KCTD8: variants seen among roughly 807,000 people sequenced by gnomAD.
The protein encoded by KCTD8 is BTB/POZ domain-containing protein KCTD8.
In KCTD8, 27 loss-of-function variants were observed where a neutral mutation model predicts 31.5. The ratio of observed to expected loss-of-function variants is 0.86; its 90% confidence interval spans 0.63 to 1.18. KCTD8 has a LOEUF of 1.18. Ranked by LOEUF, KCTD8 falls within the 50% of genes most tolerant of loss-of-function variation. KCTD8 has a pLI of 0.00. For missense variants in KCTD8, 658 were observed against 647.7 expected (o/e 1.02, Z -0.17); for synonymous variants, 290 against 280.0 (o/e 1.04, Z -0.36).
intron 1 of KCTD8, among the ~76,000 whole-genome samples, chr4:44,333,170 G>A (rs868170491): frequency 1.2e-4 from 18 of 151,284 alleles, no homozygotes; most frequent in Non-Finnish European, 2.4e-4. Flanking sequence ...GAATATACAG[G>A]CACAATTTTA....
intron 1 of KCTD8, among the ~76,000 whole-genome samples, chr4:44,343,618 T>C (rs1225016118): frequency 6.6e-6 from 1 of 152,114 alleles, no homozygotes; most frequent in Non-Finnish European, 1.5e-5. Context: ...TAAAGTACAA[T>C]AAAGTGAAGT....
chr4:44,406,921 T>C (rs1326039018), intron 1 of KCTD8, among the ~76,000 whole-genome samples: 1 of 152,200 alleles, frequency 6.6e-6, no homozygotes, highest in African/African-American at 2.4e-5. Flanking sequence ...GAATTAAGCA[T>C]AACTAAATAA....
intron 1 of KCTD8, among the ~76,000 whole-genome samples, chr4:44,331,580 G>A (rs953364288): frequency 9.9e-5 from 15 of 151,288 alleles, no homozygotes; most frequent in Admixed American, 7.9e-4. Context: ...AACAAAACTC[G>A]TTACCATTTT....
chr4:44,225,714 A>C (rs1459449164), intron 1 of KCTD8, among the ~76,000 whole-genome samples: 1 of 151,588 alleles, frequency 6.6e-6, no homozygotes, highest in African/African-American at 2.4e-5. Context: ...TTTTACTTTA[A>C]GTTTTGGGAT....
chr4:44,202,960 G>C lies in KCTD8; in HGVS notation c.962-27710C>G, dbSNP rs113018225. Reference sequence around the variant, plus strand: ...ATCTATGACAAGTTGAGGGACCAAAGACAAAAGAAAAAAGCCTTATCTTTT... The same window carrying C: ...ATCTATGACAAGTTGAGGGACCAAACACAAAAGAAAAAAGCCTTATCTTTT... On this transcript the variant is annotated intron_variant, in intron 1 of 1. Transcript: ENST00000360029. Among the ~76,000 whole-genome samples, 1,088 of 151,890 alleles carry C rather than the reference G, an allele frequency of 7.2e-3. 10 individuals are homozygous for C. Among genetic ancestry groups the C allele is most frequent in the African/African-American group, 0.025 (1,036 of 41,476 alleles).
At chr4:44,184,744 A>C (rs1257560293) in intron 1 of KCTD8, among the ~76,000 whole-genome samples, 2 of 152,168 alleles carry the variant, frequency 1.3e-5, no homozygotes, top group African/African-American at 4.8e-5. Context: ...ACTCACTTGG[A>C]AGTTAGCGTT....
intron 1 of KCTD8, among the ~76,000 whole-genome samples, chr4:44,335,167 A>G (rs1308675952): frequency 6.6e-6 from 1 of 152,170 alleles, no homozygotes; most frequent in Non-Finnish European, 1.5e-5. Flanking sequence ...ACTATGCACC[A>G]GTATATTCTA....
intron 1 of KCTD8, among the ~76,000 whole-genome samples, chr4:44,263,526 T>A (rs1242738671): frequency 6.6e-6 from 1 of 152,164 alleles, no homozygotes; most frequent in African/African-American, 2.4e-5. Context: ...ATTATACAAT[T>A]TAGTATTTTG....
intron 1 of KCTD8, among the ~76,000 whole-genome samples, chr4:44,232,788 GTACAT>G (rs1265262926): frequency 3.9e-5 from 6 of 152,048 alleles, no homozygotes; most frequent in Admixed American, 2.0e-4. Flanking sequence ...TGAGATATAA[GTACAT>G]TACAATATTA....
intron 1 of KCTD8, among the ~76,000 whole-genome samples, chr4:44,311,428 T>C (rs1717946975): frequency 6.6e-6 from 1 of 152,122 alleles, no homozygotes; most frequent in South Asian, 2.1e-4. Flanking sequence ...AGGAAAAAAT[T>C]GTTCATTCAA....
intron 1 of KCTD8, among the ~76,000 whole-genome samples, chr4:44,308,832 A>G (rs1717876150): frequency 2.6e-5 from 4 of 152,142 alleles, no homozygotes; most frequent in South Asian, 2.1e-4. Flanking sequence ...AATCACTGCC[A>G]TATATCTTTT....
At chr4:44,292,444 T>A (rs1717308439) in intron 1 of KCTD8, among the ~76,000 whole-genome samples, 2 of 151,874 alleles carry the variant, frequency 1.3e-5, no homozygotes, top group South Asian at 2.1e-4. Flanking sequence ...GACATAAAGA[T>A]GGAAACAATA....
intron 1 of KCTD8, among the ~76,000 whole-genome samples, chr4:44,393,844 A>C (rs1388247306): frequency 6.6e-6 from 1 of 151,894 alleles, no homozygotes; most frequent in East Asian, 1.9e-4. Flanking sequence ...TTAGAAATCA[A>C]ATAAAGAGCT....
intron 1 of KCTD8, among the ~76,000 whole-genome samples, chr4:44,291,960 GAAA>G (rs571458412): frequency 0.25 from 21,768 of 87,640 alleles, 1,410 homozygotes; most frequent in Non-Finnish European, 0.31. Context: ...TGGCTATTAT[GAAA>G]AAAAAAAAAA....
At chr4:44,265,438 G>C (rs1441296963) in intron 1 of KCTD8, among the ~76,000 whole-genome samples, 3 of 152,028 alleles carry the variant, frequency 2.0e-5, no homozygotes, top group African/African-American at 7.2e-5. Context: ...CCACAAAGAT[G>C]GGGAAAAAAC....
intron 1 of KCTD8, among the ~76,000 whole-genome samples, chr4:44,333,094 T>C (rs1718632776): frequency 1.3e-5 from 2 of 152,090 alleles, no homozygotes; most frequent in African/African-American, 4.8e-5. Context: ...AATGGCCAGA[T>C]AACCAACTGA....
intron 1 of KCTD8, among the ~76,000 whole-genome samples, chr4:44,218,492 T>C (rs1342314773): frequency 1.3e-5 from 2 of 151,624 alleles, no homozygotes; most frequent in East Asian, 1.9e-4. Context: ...CTTGAGGAGA[T>C]GGATACCCCA....
chr4:44,388,794 A>G (rs1720291972), intron 1 of KCTD8, among the ~76,000 whole-genome samples: 1 of 151,758 alleles, frequency 6.6e-6, no homozygotes, highest in Non-Finnish European at 1.5e-5. Flanking sequence ...TGCACAACAA[A>G]CCCCTATGAC....
At chr4:44,331,563 A>G (rs528566155) in intron 1 of KCTD8, among the ~76,000 whole-genome samples, 5 of 151,782 alleles carry the variant, frequency 3.3e-5, no homozygotes, top group Admixed American at 1.3e-4. Flanking sequence ...GAATTAACCA[A>G]TGTGCAAACA....
Sources: gnomAD v4.1 joint callset for allele counts (sites outside exome capture counted in the v4.1 genomes callset) on GRCh38, gnomAD v4.1.1 for gene constraint, MANE v1.5 for transcripts, NCBI Gene and HGNC (gene_info 2026-07-23, HGNC 2026-07-21) for gene names.